Variants in RFC3 observed in about 807,000 individuals in gnomAD.
RFC3 encodes the protein replication factor C subunit 3, also known as A1 38 kDa subunit.
RFC3 carries 41 observed loss-of-function variants against 45.1 expected under a neutral mutation model. The observed-to-expected ratio is 0.91, with a 90% CI of 0.71 to 1.18. The LOEUF (loss-of-function observed/expected upper bound fraction) is 1.18, where lower values mean the gene tolerates loss of function less well. RFC3 is among the 50% of genes most tolerant of loss of function. The probability of loss-of-function intolerance (pLI) is 0.00; values close to 1 mark genes in which losing one functional copy is unlikely to be tolerated. For missense variants in RFC3, 423 were observed against 428.1 expected, an observed-to-expected ratio of 0.99 and a Z score of 0.10; for synonymous variants, 149 against 144.0, an observed-to-expected ratio of 1.03 and a Z score of -0.25.
chr13:33,957,703 G>A (rs2083030499), intron 8 of RFC3, among the ~76,000 whole-genome samples: 1 of 152,092 alleles, frequency 6.6e-6, no homozygotes, highest in Non-Finnish European at 1.5e-5. Flanking sequence ...TTTAGCACAA[G>A]CGCAAGCCCA....
chr13:33,927,529 CA>C (rs1156577623), intron 8 of RFC3, among the ~76,000 whole-genome samples: 1 of 152,064 alleles, frequency 6.6e-6, no homozygotes, highest in Non-Finnish European at 1.5e-5. Flanking sequence ...TTTAAGAGGC[CA>C]ACTCTCCTTG....
chr13:33,898,986 A>C (rs531340716), intron 8 of RFC3, among the ~76,000 whole-genome samples: 1 of 151,804 alleles, frequency 6.6e-6, no homozygotes, highest in African/African-American at 2.4e-5. Context: ...AACCAATAAC[A>C]AGTAATGAGA....
intron 8 of RFC3, among the ~76,000 whole-genome samples, chr13:33,893,158 G>C (rs950650446): frequency 1.3e-5 from 2 of 152,142 alleles, no homozygotes; most frequent in Non-Finnish European, 2.9e-5. Flanking sequence ...AAATCAGAGT[G>C]GTTGTTCAGC....
At chr13:33,909,900 A>G (rs2082694078) in intron 8 of RFC3, among the ~76,000 whole-genome samples, 1 of 152,142 alleles carries the variant, frequency 6.6e-6, no homozygotes, top group Admixed American at 6.6e-5. Context: ...TAGGCACTTC[A>G]GCTCAGGTAG....
At chr13:33,884,336 A>G (rs995965512) in intron 8 of RFC3, among the ~76,000 whole-genome samples, 3 of 152,188 alleles carry the variant, frequency 2.0e-5, no homozygotes, top group African/African-American at 7.2e-5. Context: ...TAATTCTTCA[A>G]GTTGGGAAAT....
chr13:33,935,134 GA>G (rs1450625266), intron 8 of RFC3, among the ~76,000 whole-genome samples: 1 of 151,934 alleles, frequency 6.6e-6, no homozygotes. Context: ...TCTGCCTTGA[GA>G]TTTTTTTTTT....
chr13:33,929,163 A>G (rs367937614), intron 8 of RFC3, among the ~76,000 whole-genome samples: 2 of 152,154 alleles, frequency 1.3e-5, no homozygotes, highest in East Asian at 3.9e-4. Context: ...AGGTAAAGGA[A>G]GTCTGACAGA....
rs534344249 is a variant in RFC3, at chr13:33,909,463, G to A, written c.880-56624G>A. On this transcript the variant is annotated intron_variant, in intron 8 of 8. Coordinates refer to the RFC3 transcript ENST00000434425. ...TCTGCTCTTTATTCTGCTCCTCTTC[G>A]TCATTTACCCTAAGCTCTTCCTCCT... Among the ~76,000 whole-genome samples the A allele has an allele frequency of 8.6e-5, 13 of 151,872 alleles. No individual in the cohort carries two copies. The East Asian group carries it at 2.1e-3, about 25-fold the overall frequency.
chr13:33,818,151 G>C lies in RFC3; in HGVS notation c.-28G>C, dbSNP rs371916362. On this transcript the variant is annotated 5_prime_UTR_variant, in exon 1 of 9. Transcript: ENST00000380071. ...ACGCGCGCTCGCGCGGGATTTTCAAGCGTAGGCCCCCGGGAACTCGAGCTG... is the reference window on the plus strand; with the variant it reads ...ACGCGCGCTCGCGCGGGATTTTCAACCGTAGGCCCCCGGGAACTCGAGCTG... 7 of 1,599,076 alleles carry C rather than the reference G, an allele frequency of 4.4e-6. No homozygotes were observed. The highest frequency in any genetic ancestry group is 6.0e-6 in the Non-Finnish European group (7 of 1,169,226).
chr13:33,910,517 G>A (rs1211696993), intron 8 of RFC3, among the ~76,000 whole-genome samples: 2 of 152,052 alleles, frequency 1.3e-5, no homozygotes, highest in African/African-American at 2.4e-5. Flanking sequence ...GTCAGTGCAG[G>A]GAAGCACTTG....
At chr13:33,867,736 C>T (rs925660380) in intron 8 of RFC3, among the ~76,000 whole-genome samples, 1 of 152,166 alleles carries the variant, frequency 6.6e-6, no homozygotes, top group African/African-American at 2.4e-5. Flanking sequence ...GACCCCACAC[C>T]GGTTACTATG....
intron 8 of RFC3, among the ~76,000 whole-genome samples, chr13:33,913,273 T>C (rs543554270): frequency 2.6e-5 from 4 of 152,126 alleles, no homozygotes; most frequent in East Asian, 1.9e-4. Context: ...CAGGCTCTAA[T>C]TGAGCTCAGA....
chr13:33,943,137 A>T (rs572963581), intron 8 of RFC3, among the ~76,000 whole-genome samples: 3 of 152,196 alleles, frequency 2.0e-5, no homozygotes, highest in African/African-American at 7.2e-5. Flanking sequence ...TTACTTTAGC[A>T]TTCATTTTTC....
chr13:33,886,428 C>G (rs186716227), intron 8 of RFC3, among the ~76,000 whole-genome samples: 1 of 151,886 alleles, frequency 6.6e-6, no homozygotes, highest in Non-Finnish European at 1.5e-5. Context: ...CACCTGTAGT[C>G]CCAACTACTC....
chr13:33,954,502 T>C (rs908520014), intron 8 of RFC3, among the ~76,000 whole-genome samples: 1 of 152,240 alleles, frequency 6.6e-6, no homozygotes, highest in African/African-American at 2.4e-5. Context: ...GGCCAACTTA[T>C]CGCAATCTAC....
intron 8 of RFC3, among the ~76,000 whole-genome samples, chr13:33,872,801 C>CCCCT (rs556281426): frequency 1.4e-5 from 2 of 142,528 alleles, no homozygotes; most frequent in African/African-American, 5.2e-5. Context: ...AACCCCCCCC[C>CCCCT]CCAAAATACA....
chr13:33,880,062 C>G (rs909040561), intron 8 of RFC3, among the ~76,000 whole-genome samples: 4 of 152,340 alleles, frequency 2.6e-5, no homozygotes, highest in African/African-American at 9.6e-5. Flanking sequence ...CTTTCCCATT[C>G]AAGATCAGTT....
intron 8 of RFC3, among the ~76,000 whole-genome samples, chr13:33,889,541 T>C (rs191054041): frequency 2.8e-4 from 43 of 152,344 alleles, no homozygotes; most frequent in African/African-American, 9.6e-4. Context: ...CCTCAAACCT[T>C]TATTACTTCT....
At position 33,820,024 on chromosome 13, in the gene RFC3, A is replaced by G. The variant is rs146300812; in HGVS notation, c.88-1108A>G. 1.3e-3 allele frequency among the ~76,000 whole-genome samples: 204 copies of G among 152,284 alleles called. 1 individual carries two copies. Among genetic ancestry groups the G allele is most frequent in the African/African-American group, 3.9e-3 (162 of 41,564 alleles). On this transcript the variant is annotated intron_variant, in intron 1 of 8. Transcript: ENST00000380071. Reference sequence around the variant, plus strand: ...TTACAAAGTATTAAAATTCATTGCAATAAGCGCTTCTCTTAAGATACGTAT... The same window carrying G: ...TTACAAAGTATTAAAATTCATTGCAGTAAGCGCTTCTCTTAAGATACGTAT...
Sources: allele counts gnomAD v4.1 joint callset (sites outside exome capture counted in the v4.1 genomes callset), GRCh38; gene constraint gnomAD v4.1.1; transcripts MANE v1.5; gene names NCBI Gene and HGNC (gene_info 2026-07-23, HGNC 2026-07-21).